The following MEG3 variants were observed in gnomAD, a reference collection of about 807,000 sequenced individuals.
The protein encoded by MEG3 is Very putative protein from MEG3 locus.
chr14:100,826,693 G>T (rs1019458449), intron 1 of MEG3, among the ~76,000 whole-genome samples: 2 of 152,182 alleles, frequency 1.3e-5, no homozygotes, highest in South Asian at 2.1e-4. Flanking sequence ...TATTTGCCTC[G>T]CCAGCTGTTG....
chr14:100,830,669 C>G (rs1036727220), downstream of MEG3: 1 of 152,208 alleles, frequency 6.6e-6, no homozygotes, highest in African/African-American at 2.4e-5. Context: ...GGCTAGGTAT[C>G]TGATACAAAG....
chr14:100,827,802 C>A (rs544579285), intron 1 of MEG3, among the ~76,000 whole-genome samples: 3 of 152,322 alleles, frequency 2.0e-5, no homozygotes, highest in East Asian at 1.9e-4. Context: ...CACCCACATG[C>A]GTGACAGCGG....
At chr14:100,832,853 T>C (rs1394035179), downstream of MEG3, 1 of 152,260 alleles carries the variant, frequency 6.6e-6, no homozygotes, top group African/African-American at 2.4e-5. Flanking sequence ...TGTTCGATCC[T>C]TCGCACAGAT....
exon 1 of MEG3, chr14:100,834,719 CAGTT>C (rs1233809882): frequency 1.3e-5 from 6 of 456,468 alleles, no homozygotes; most frequent in African/African-American, 2.0e-5. Flanking sequence ...GAGTGGGGCT[CAGTT>C]AGAGTATGTG....
upstream of MEG3, chr14:100,853,710 C>T (rs1362859505): frequency 1.4e-4 from 22 of 152,082 alleles, 1 homozygote; most frequent in Admixed American, 1.4e-3. Context: ...ATTCACAGAA[C>T]CATTCTGTTA....
At chr14:100,852,626 G>T, upstream of MEG3, 1 of 346,068 alleles carries the variant, frequency 2.9e-6, no homozygotes, top group Non-Finnish European at 5.8e-6. Flanking sequence ...TGGGGCGGGA[G>T]GGGTTCAGGG....
chr14:100,841,280 A>G (rs1400866246), intron 2 of MEG3, among the ~76,000 whole-genome samples: 1 of 152,204 alleles, frequency 6.6e-6, no homozygotes, highest in Non-Finnish European at 1.5e-5. Flanking sequence ...GCAGTCTTCC[A>G]GAGACCTGGT....
chr14:100,853,699 C>T (rs1384762132), upstream of MEG3: 2 of 152,086 alleles, frequency 1.3e-5, no homozygotes, highest in African/African-American at 2.4e-5. Flanking sequence ...GCTATGGCAT[C>T]ATTCACAGAA....
At position 100,839,913 on chromosome 14, in the gene MEG3, C is replaced by G. The variant is rs2037700271; in HGVS notation, n.3045+3613C>G. Reference sequence around the variant, plus strand: ...TCTGGGTTTGAGTCAGGTCCTGAGGCCAGGGCCTGGGCCCTGATCCTCACC... The same window carrying G: ...TCTGGGTTTGAGTCAGGTCCTGAGGGCAGGGCCTGGGCCCTGATCCTCACC... On this transcript the variant is annotated intron_variant and non_coding_transcript_variant, in intron 2 of 3. Coordinates refer to the MEG3 transcript ENST00000398461. Among the ~76,000 whole-genome samples the G allele has an allele frequency of 4.0e-5, 6 of 151,894 alleles. No homozygotes were observed. In the South Asian group the frequency reaches 1.3e-3, roughly 32 times the overall value.
intron 1 of MEG3, chr14:100,860,497 G>A (rs528840917): frequency 5.3e-6 from 2 of 377,286 alleles, no homozygotes; most frequent in South Asian, 3.9e-5. Flanking sequence ...TACGCCAGAA[G>A]TTGAGGGGCA....
intron 3 of MEG3, chr14:100,849,785 G>T (rs2038015217): frequency 1.3e-5 from 2 of 152,068 alleles, no homozygotes; most frequent in African/African-American, 4.8e-5. Flanking sequence ...ATAAAAAGAT[G>T]TGAAAAAGGA....
chr14:100,830,374 C>CACAT (rs2037362811), downstream of MEG3: 1 of 148,060 alleles, frequency 6.8e-6, no homozygotes, highest in African/African-American at 2.6e-5. Flanking sequence ...CACACACACA[C>CACAT]ACACACACAC....
chr14:100,850,463 G>C (rs764755772), intron 3 of MEG3: 2 of 152,158 alleles, frequency 1.3e-5, no homozygotes, highest in Non-Finnish European at 2.9e-5. Flanking sequence ...TATGGGCGTG[G>C]TGGCACCTGT....
chr14:100,843,471 G>C (rs2037819661), intron 2 of MEG3, among the ~76,000 whole-genome samples: 1 of 152,098 alleles, frequency 6.6e-6, no homozygotes, highest in South Asian at 2.1e-4. Context: ...GGTAACCGAA[G>C]TCGGCCCCTC....
chr14:100,841,706 C>T (rs1247876709), intron 2 of MEG3, among the ~76,000 whole-genome samples: 4 of 152,228 alleles, frequency 2.6e-5, no homozygotes, highest in Non-Finnish European at 4.4e-5. Context: ...TTCCAAGGGG[C>T]TGCCCCATGA....
At chr14:100,838,333 A>T (rs905693434) in intron 2 of MEG3, among the ~76,000 whole-genome samples, 1 of 152,184 alleles carries the variant, frequency 6.6e-6, no homozygotes, top group African/African-American at 2.4e-5. Flanking sequence ...TCAGGTACTC[A>T]TGAGTGTTTC....
intron 1 of MEG3, chr14:100,835,956 C>T (rs919946313): frequency 6.0e-6 from 2 of 331,702 alleles, no homozygotes; most frequent in East Asian, 1.9e-4. Flanking sequence ...CGGTCCCTTG[C>T]TCCCCACTCA....
At chr14:100,839,822 C>A (rs929693857) in intron 2 of MEG3, among the ~76,000 whole-genome samples, 1 of 152,312 alleles carries the variant, frequency 6.6e-6, no homozygotes, top group South Asian at 2.1e-4. Flanking sequence ...TGGAGAGACC[C>A]CTTATCTTTG....
intron 3 of MEG3, chr14:100,849,147 A>G (rs1200586321): frequency 1.3e-5 from 2 of 152,228 alleles, no homozygotes; most frequent in African/African-American, 2.4e-5. Flanking sequence ...ATGAATAAAT[A>G]AAGACATAAA....
Sources: allele counts gnomAD v4.1 joint callset (sites outside exome capture counted in the v4.1 genomes callset), GRCh38; gene constraint gnomAD v4.1.1; transcripts MANE v1.5; gene names NCBI Gene and HGNC (gene_info 2026-07-23, HGNC 2026-07-21).